The following SLC9A9 variants were observed in gnomAD, a reference collection of about 807,000 sequenced individuals.
The protein encoded by SLC9A9 is solute carrier family 9 member A9, also known as sodium/hydrogen exchanger 9.
In SLC9A9, 62 loss-of-function variants were observed where a neutral mutation model predicts 77.8. The observed-to-expected ratio is 0.80, with a 90% CI of 0.65 to 0.98. SLC9A9 has a LOEUF of 0.98. SLC9A9 is among the 50% of genes least tolerant of loss of function. The pLI is 0.00. For synonymous variants in SLC9A9, 320 were observed against 283.5 expected (o/e 1.13, Z -1.29); for missense variants, 775 against 774.9 (o/e 1.00, Z 0.00).
chr3:143,836,114 A>G (rs1407672694), intron 1 of SLC9A9, among the ~76,000 whole-genome samples: 1 of 152,184 alleles, frequency 6.6e-6, no homozygotes. Flanking sequence ...AGCACTCACT[A>G]TCCTAAAATG....
chr3:143,573,052 G>A (rs2037292712), intron 8 of SLC9A9, among the ~76,000 whole-genome samples: 1 of 152,128 alleles, frequency 6.6e-6, no homozygotes, highest in African/African-American at 2.4e-5. Context: ...ATCACTTACT[G>A]TTGGCTGAGT....
intron 14 of SLC9A9, among the ~76,000 whole-genome samples, chr3:143,302,784 G>T (rs939978663): frequency 1.3e-5 from 2 of 152,220 alleles, no homozygotes; most frequent in Non-Finnish European, 2.9e-5. Flanking sequence ...AGGCAGAACT[G>T]GAGGATAAAG....
chr3:143,696,126 C>T (rs1037969743), intron 4 of SLC9A9, among the ~76,000 whole-genome samples: 4 of 152,192 alleles, frequency 2.6e-5, no homozygotes, highest in Non-Finnish European at 5.9e-5. Context: ...GTTTCTTTTG[C>T]TGTTCAGAAG....
chr3:143,427,129 T>G (rs1191070774), intron 12 of SLC9A9, among the ~76,000 whole-genome samples: 1 of 152,208 alleles, frequency 6.6e-6, no homozygotes, highest in Non-Finnish European at 1.5e-5. Context: ...ACTGATGGGA[T>G]TACTGAGGAA....
intron 4 of SLC9A9, among the ~76,000 whole-genome samples, chr3:143,700,707 G>A (rs1289446795): frequency 6.6e-6 from 1 of 152,232 alleles, no homozygotes; most frequent in Non-Finnish European, 1.5e-5. Flanking sequence ...CTCCCACACA[G>A]CACCTCTGGA....
chr3:143,745,606 A>T (rs1935182171), intron 4 of SLC9A9, among the ~76,000 whole-genome samples: 1 of 152,150 alleles, frequency 6.6e-6, no homozygotes, highest in Non-Finnish European at 1.5e-5. Flanking sequence ...CAATGCCTAG[A>T]ACATTAGGGC....
chr3:143,650,849 A>G (rs1291767738), intron 6 of SLC9A9, among the ~76,000 whole-genome samples: 1 of 152,202 alleles, frequency 6.6e-6, no homozygotes, highest in African/African-American at 2.4e-5. Context: ...TACATGGACT[A>G]TTTCAAATGC....
At chr3:143,792,462 A>T (rs2108856057) in intron 4 of SLC9A9, among the ~76,000 whole-genome samples, 1 of 152,292 alleles carries the variant, frequency 6.6e-6, no homozygotes, top group African/African-American at 2.4e-5. Flanking sequence ...CCCATAAGAC[A>T]AGTGTAAAGT....
At chr3:143,574,014 G>A in intron 8 of SLC9A9, 74 bp downstream of exon 8, 1 of 1,308,486 alleles carries the variant, frequency 7.6e-7, no homozygotes, top group Non-Finnish European at 1.1e-6. Flanking sequence ...CTCCTGCTAG[G>A]TCAGGGAGGG....
At chr3:143,344,913 C>T (rs2108467796) in intron 14 of SLC9A9, among the ~76,000 whole-genome samples, 1 of 152,208 alleles carries the variant, frequency 6.6e-6, no homozygotes, top group Middle Eastern at 3.4e-3. Flanking sequence ...TAATAATAAA[C>T]AATCGTAAGA....
intron 14 of SLC9A9, among the ~76,000 whole-genome samples, chr3:143,313,994 T>G (rs1371091318): frequency 4.1e-4 from 62 of 152,180 alleles, no homozygotes; most frequent in Admixed American, 4.1e-3. Flanking sequence ...TGTGAGGGCA[T>G]GGGCGGGGTG....
chr3:143,697,701 C>T (rs1184250740), intron 4 of SLC9A9, among the ~76,000 whole-genome samples: 1 of 151,202 alleles, frequency 6.6e-6, no homozygotes, highest in African/African-American at 2.4e-5. Context: ...CACACACACA[C>T]ACACACACAC....
intron 14 of SLC9A9, among the ~76,000 whole-genome samples, chr3:143,334,932 A>G (rs2031878245): frequency 6.6e-6 from 1 of 151,174 alleles, no homozygotes; most frequent in Admixed American, 6.6e-5. Flanking sequence ...TCAACATAGT[A>G]CTGGAAGTCC....
intron 4 of SLC9A9, among the ~76,000 whole-genome samples, chr3:143,752,019 G>C (rs1464086720): frequency 5.9e-5 from 9 of 152,210 alleles, no homozygotes; most frequent in Admixed American, 5.9e-4. Context: ...GAGGACTACT[G>C]AAATCGCCTT....
rs142628886 is a variant in SLC9A9, at chr3:143,703,110, A to G, written c.534-9803T>C. 7.9e-5 allele frequency among the ~76,000 whole-genome samples: 12 copies of G among 152,210 alleles called. 1 individual carries two copies. The East Asian group carries it at 2.1e-3, about 27-fold the overall frequency. The stretch of plus-strand genomic sequence containing the variant: ...GAGCTAAAGAGTGAGATAGACCCCA[A>G]TACAATAATAGCTGGAGACTTCAAC... On this transcript the variant is annotated intron_variant, in intron 4 of 15. Transcript: ENST00000316549.
chr3:143,467,318 AT>A, intron 11 of SLC9A9, 128 bp from the exon 12 acceptor site: 5 of 1,074,020 alleles, frequency 4.7e-6, no homozygotes, highest in Non-Finnish European at 5.5e-6. Context: ...ATAATTATAG[AT>A]TCATAAAGAG....
chr3:143,620,136 C>T (rs779929476), intron 6 of SLC9A9, among the ~76,000 whole-genome samples: 4 of 152,128 alleles, frequency 2.6e-5, no homozygotes, highest in Non-Finnish European at 5.9e-5. Context: ...GAGAATCCTA[C>T]CTTTAAAAGA....
chr3:143,549,781 T>C (rs1025418850), intron 9 of SLC9A9, among the ~76,000 whole-genome samples: 3 of 152,118 alleles, frequency 2.0e-5, no homozygotes, highest in Non-Finnish European at 2.9e-5. Flanking sequence ...ATAGAATGAC[T>C]TAAAAGTGCA....
rs572060672 is a variant in SLC9A9 at position 143,265,701 on chromosome 3, C to A, written c.*1001G>T. On this transcript the variant is annotated 3_prime_UTR_variant, in exon 16 of 16. Coordinates refer to ENST00000316549, the MANE Select transcript of SLC9A9 (RefSeq NM_173653.4). Reference sequence around the variant, plus strand: ...TGAGCCACGCCTTGTAAGGGGGAGACCTGAGGCCCTGTCCTTGGCTCCTCA... The same window carrying A: ...TGAGCCACGCCTTGTAAGGGGGAGAACTGAGGCCCTGTCCTTGGCTCCTCA... 1.2e-5 allele frequency: 5 copies of A among 417,038 alleles called. No homozygotes were observed. In the South Asian group the frequency reaches 4.1e-4, roughly 34 times the overall value. The allele number at this position is 417,038 out of a possible 1,614,324, so 25.8% of individuals were successfully genotyped here. A position where few individuals can be genotyped will look rare whatever the true frequency, so the allele number is the denominator to read the frequency against.
Sources: gnomAD v4.1 joint callset for allele counts (sites outside exome capture counted in the v4.1 genomes callset) on GRCh38, gnomAD v4.1.1 for gene constraint, MANE v1.5 for transcripts, NCBI Gene and HGNC (gene_info 2026-07-23, HGNC 2026-07-21) for gene names.